Variants in CSMD3 observed in about 807,000 individuals in gnomAD.
The protein encoded by CSMD3 is CUB and Sushi multiple domains 3, also known as CUB and sushi domain-containing protein 3.
CSMD3 carries 177 observed loss-of-function variants against 435.2 expected under a neutral mutation model. The observed-to-expected ratio is 0.41, with a 90% CI of 0.36 to 0.46. The LOEUF (loss-of-function observed/expected upper bound fraction) is 0.46, where lower values mean the gene tolerates loss of function less well. Ranked by LOEUF, CSMD3 falls within the 20% of genes least tolerant of loss-of-function variation. The pLI, the probability that CSMD3 is intolerant of heterozygous loss-of-function variation, is 0.34. For missense variants in CSMD3, 4,265 were observed against 4,504.6 expected, an observed-to-expected ratio of 0.95 and a Z score of 1.52; for synonymous variants, 1,656 against 1,520.5, an observed-to-expected ratio of 1.09 and a Z score of -2.07.
chr8:112,680,645 T>A (rs2075868546), intron 16 of CSMD3, among the ~76,000 whole-genome samples: 1 of 152,102 alleles, frequency 6.6e-6, no homozygotes, highest in African/African-American at 2.4e-5. Flanking sequence ...ACTAAAGTCA[T>A]CTAGTTCTGC....
chr8:112,493,528 A>G (rs1054515793), intron 30 of CSMD3, among the ~76,000 whole-genome samples: 6 of 152,088 alleles, frequency 3.9e-5, no homozygotes, highest in African/African-American at 1.4e-4. Context: ...CATTTTTATC[A>G]TAGGTCTCCC....
chr8:113,053,876 A>G (rs1376025587), intron 5 of CSMD3, among the ~76,000 whole-genome samples: 2 of 152,190 alleles, frequency 1.3e-5, no homozygotes, highest in Non-Finnish European at 2.9e-5. Flanking sequence ...ATAAATTTAG[A>G]ATCCCACGGC....
intron 13 of CSMD3, among the ~76,000 whole-genome samples, chr8:112,710,259 A>G (rs1229877314): frequency 6.6e-6 from 1 of 152,162 alleles, no homozygotes; most frequent in Non-Finnish European, 1.5e-5. Flanking sequence ...CAGTGGTGTC[A>G]AGTTCTTTTA....
intron 27 of CSMD3, among the ~76,000 whole-genome samples, chr8:112,535,916 T>C (rs1345626941): frequency 1.3e-5 from 2 of 151,906 alleles, no homozygotes; most frequent in Non-Finnish European, 2.9e-5. Context: ...AAACAAGCAA[T>C]GGGGAAAGGA....
intron 31 of CSMD3, among the ~76,000 whole-genome samples, chr8:112,489,687 T>A (rs906732742): frequency 6.6e-6 from 1 of 152,172 alleles, no homozygotes; most frequent in South Asian, 2.1e-4. Context: ...AAACTCAGAC[T>A]TTTTTAAAAA....
chr8:113,429,130 CTT>C (rs1490883793), intron 1 of CSMD3, among the ~76,000 whole-genome samples: 1 of 151,682 alleles, frequency 6.6e-6, no homozygotes, highest in East Asian at 1.9e-4. Context: ...CATAAAATGA[CTT>C]TAAAACATTT....
chr8:112,574,297 A>T (rs1318955488), intron 23 of CSMD3, among the ~76,000 whole-genome samples: 1 of 151,984 alleles, frequency 6.6e-6, no homozygotes, highest in Non-Finnish European at 1.5e-5. Context: ...CATTATAGAC[A>T]TCTCTTCAGG....
chr8:112,491,253 T>A (rs759832735), intron 31 of CSMD3, among the ~76,000 whole-genome samples: 1 of 151,890 alleles, frequency 6.6e-6, no homozygotes, highest in Non-Finnish European at 1.5e-5. Context: ...ATTTATATCA[T>A]AGACCAATTC....
intron 10 of CSMD3, among the ~76,000 whole-genome samples, chr8:112,874,353 T>G (rs772679843): frequency 6.6e-6 from 1 of 152,034 alleles, no homozygotes; most frequent in Non-Finnish European, 1.5e-5. Flanking sequence ...TTAAAATAAG[T>G]GTGATGTGCT....
intron 14 of CSMD3, 58 bp downstream of exon 14, chr8:112,689,810 A>G: frequency 1.4e-6 from 2 of 1,467,850 alleles, no homozygotes; most frequent in East Asian, 2.3e-5. Flanking sequence ...TACAAAAGCA[A>G]TTATATGCAA....
At chr8:112,494,493 TCCTTTCTTTC>T (rs1563615032) in intron 30 of CSMD3, among the ~76,000 whole-genome samples, 1 of 101,720 alleles carries the variant, frequency 9.8e-6, no homozygotes, top group African/African-American at 3.6e-5. Context: ...TTTCTTTCTC[TCCTTTCTTTC>T]TTTCTTTCTT....
intron 1 of CSMD3, among the ~76,000 whole-genome samples, chr8:113,321,981 G>C (rs552049128): frequency 6.6e-6 from 1 of 152,040 alleles, no homozygotes; most frequent in Non-Finnish European, 1.5e-5. Flanking sequence ...CCTCAGAGAG[G>C]CCTTTGTTTT....
chr8:112,324,321 T>C (rs1823289577), intron 45 of CSMD3, among the ~76,000 whole-genome samples: 1 of 152,104 alleles, frequency 6.6e-6, no homozygotes, highest in African/African-American at 2.4e-5. Context: ...GTTTTATGTA[T>C]TGGTTCACGT....
At chr8:112,747,137 C>A (rs1318030876) in intron 13 of CSMD3, among the ~76,000 whole-genome samples, 1 of 91,292 alleles carries the variant, frequency 1.1e-5, no homozygotes, top group Non-Finnish European at 2.2e-5. Context: ...TCTCTCATTT[C>A]TTTTATTTCA....
intron 13 of CSMD3, among the ~76,000 whole-genome samples, chr8:112,754,942 ATATGATTTGGC>A (rs2077655182): frequency 6.6e-6 from 1 of 152,186 alleles, no homozygotes; most frequent in South Asian, 2.1e-4. Flanking sequence ...GTTAGTTCCA[ATATGATTTGGC>A]TATGTCCTCA....
chr8:112,613,858 C>T (rs1294033700), intron 22 of CSMD3, among the ~76,000 whole-genome samples: 2 of 152,138 alleles, frequency 1.3e-5, no homozygotes, highest in Non-Finnish European at 2.9e-5. Flanking sequence ...CATGGTGGCT[C>T]ATGACTGTAA....
intron 1 of CSMD3, among the ~76,000 whole-genome samples, chr8:113,328,410 C>G (rs930558253): frequency 2.7e-5 from 4 of 147,310 alleles, no homozygotes; most frequent in African/African-American, 1.0e-4. Context: ...TGCACTCCAG[C>G]CTGGGCGACA....
rs946158159 is a variant in CSMD3, at chr8:112,368,274, C to T, written c.6136+12078G>A. 5.9e-5 allele frequency among the ~76,000 whole-genome samples: 9 copies of T among 152,114 alleles called. No individual in the cohort carries two copies. The South Asian group carries it at 1.9e-3, about 31-fold the overall frequency. On this transcript the variant is annotated intron_variant, in intron 38 of 70. Transcript: ENST00000297405. ...TGATCTCCACCTTCTCTGTTCATCACCTAAATTATACAAGATATTTTCATA... is the reference window on the plus strand; with the variant it reads ...TGATCTCCACCTTCTCTGTTCATCATCTAAATTATACAAGATATTTTCATA...
At chr8:113,308,183 T>C (rs1449927391) in intron 2 of CSMD3, among the ~76,000 whole-genome samples, 1 of 151,664 alleles carries the variant, frequency 6.6e-6, no homozygotes, top group Non-Finnish European at 1.5e-5. Context: ...TAATGATGAT[T>C]GATGAGATAT....
Sources: gnomAD v4.1 joint callset for allele counts (sites outside exome capture counted in the v4.1 genomes callset) on GRCh38, gnomAD v4.1.1 for gene constraint, MANE v1.5 for transcripts, NCBI Gene and HGNC (gene_info 2026-07-23, HGNC 2026-07-21) for gene names.